The following PTPRD variants were observed in gnomAD, a reference collection of about 807,000 sequenced individuals.
PTPRD encodes protein tyrosine phosphatase receptor type D, also known as receptor-type tyrosine-protein phosphatase delta.
Under a neutral mutation model 214.5 loss-of-function variants are expected in PTPRD, and 34 were observed. The observed-to-expected ratio is 0.16, with a 90% CI of 0.12 to 0.21. PTPRD has a LOEUF of 0.21. Ranked by LOEUF, PTPRD falls within the 10% of genes least tolerant of loss-of-function variation. The probability of loss-of-function intolerance (pLI) is 1.00; values close to 1 mark genes in which losing one functional copy is unlikely to be tolerated. For synonymous variants in PTPRD, 1,128 were observed against 845.7 expected, an observed-to-expected ratio of 1.33 and a Z score of -5.79; for missense variants, 2,545 against 2,398.7, an observed-to-expected ratio of 1.06 and a Z score of -1.27.
At chr9:9,263,725 C>A (rs2099981159) in intron 9 of PTPRD, among the ~76,000 whole-genome samples, 1 of 151,656 alleles carries the variant, frequency 6.6e-6, no homozygotes, top group Non-Finnish European at 1.5e-5. Context: ...ACTGCATATT[C>A]TCACTTATAG....
chr9:9,998,452 C>T (rs1411527028), intron 4 of PTPRD, among the ~76,000 whole-genome samples: 3 of 151,978 alleles, frequency 2.0e-5, no homozygotes, highest in Non-Finnish European at 4.4e-5. Flanking sequence ...TCTCCCCTTC[C>T]CATAGCATGA....
At chr9:8,815,647 G>A (rs2096905151) in intron 11 of PTPRD, among the ~76,000 whole-genome samples, 1 of 152,112 alleles carries the variant, frequency 6.6e-6, no homozygotes, top group Non-Finnish European at 1.5e-5. Context: ...CCATCAGTTT[G>A]AGATTATGGG....
intron 7 of PTPRD, among the ~76,000 whole-genome samples, chr9:9,636,665 A>T (rs907227170): frequency 6.6e-6 from 1 of 152,226 alleles, no homozygotes; most frequent in Admixed American, 6.5e-5. Flanking sequence ...TAGAAGACAG[A>T]TTGTCACCAG....
At chr9:10,209,730 A>G (rs1012359979) in intron 3 of PTPRD, among the ~76,000 whole-genome samples, 1 of 152,184 alleles carries the variant, frequency 6.6e-6, no homozygotes, top group Non-Finnish European at 1.5e-5. Context: ...TAAAAAACAG[A>G]CAAAAGTCCT....
intron 10 of PTPRD, among the ~76,000 whole-genome samples, chr9:9,121,817 T>C (rs556937557): frequency 5.7e-4 from 86 of 152,176 alleles, no homozygotes; most frequent in Non-Finnish European, 2.2e-4. Context: ...CAATAACTTA[T>C]GGAAAAATAA....
chr9:9,573,275 G>T (rs1409092874), intron 8 of PTPRD, among the ~76,000 whole-genome samples: 1 of 151,372 alleles, frequency 6.6e-6, no homozygotes, highest in Middle Eastern at 3.2e-3. Flanking sequence ...AGAAAAAGGA[G>T]CCTCCTTTTT....
At chr9:10,245,232 T>A (rs2091884965) in intron 3 of PTPRD, among the ~76,000 whole-genome samples, 1 of 152,136 alleles carries the variant, frequency 6.6e-6, no homozygotes, top group Non-Finnish European at 1.5e-5. Context: ...TCATATGTTA[T>A]AGAAACCTGT....
intron 5 of PTPRD, among the ~76,000 whole-genome samples, chr9:9,870,724 T>C (rs2065193558): frequency 6.6e-6 from 1 of 152,088 alleles, no homozygotes; most frequent in Admixed American, 6.6e-5. Flanking sequence ...TGAAGTGTAC[T>C]GATGTTCGCA....
intron 7 of PTPRD, among the ~76,000 whole-genome samples, chr9:9,639,474 T>C (rs902182370): frequency 6.6e-6 from 1 of 152,200 alleles, no homozygotes; most frequent in Non-Finnish European, 1.5e-5. Flanking sequence ...ACTCTGGCCA[T>C]TTTCCTATTA....
chr9:8,401,581 G>C (rs1386437448), intron 36 of PTPRD, among the ~76,000 whole-genome samples: 1 of 151,946 alleles, frequency 6.6e-6, no homozygotes, highest in Non-Finnish European at 1.5e-5. Context: ...ACTGTGATTT[G>C]GAAAGATGTC....
chr9:10,351,810 C>T lies in PTPRD; in HGVS notation c.-599-10793G>A, dbSNP rs571829129. Reference sequence around the variant, plus strand: ...TTGAAAACGCAGGAAAATGTAGAGGCCTAGAACATAATAGACACATTCATT... The same window carrying T: ...TTGAAAACGCAGGAAAATGTAGAGGTCTAGAACATAATAGACACATTCATT... On this transcript the variant is annotated intron_variant, in intron 2 of 45. Transcript: ENST00000381196. Among the ~76,000 whole-genome samples, 552 of 151,838 alleles carry T rather than the reference C, an allele frequency of 3.6e-3. 2 individuals are homozygous for T. The highest frequency in any genetic ancestry group is 0.013 in the African/African-American group (527 of 41,432).
intron 2 of PTPRD, among the ~76,000 whole-genome samples, chr9:10,528,105 GC>G: frequency 6.6e-6 from 1 of 152,092 alleles, no homozygotes; most frequent in Non-Finnish European, 1.5e-5. Context: ...TGAAAGCTCA[GC>G]AAGGGCAGGA....
chr9:9,903,556 A>AGTACACAG (rs1230033717), intron 5 of PTPRD, among the ~76,000 whole-genome samples: 1 of 152,170 alleles, frequency 6.6e-6, no homozygotes, highest in Non-Finnish European at 1.5e-5. Flanking sequence ...TTTCCAGCAT[A>AGTACACAG]GTACACAGTG....
chr9:9,712,700 T>G (rs1300913454), intron 7 of PTPRD, among the ~76,000 whole-genome samples: 5 of 152,216 alleles, frequency 3.3e-5, no homozygotes, highest in Non-Finnish European at 7.3e-5. Context: ...AAAAGTTCTC[T>G]TAGTTTATCC....
At position 8,466,741 on chromosome 9, in the gene PTPRD, A is replaced by T. The variant is rs182065380; in HGVS notation, c.3505-1066T>A. 4.6e-5 allele frequency among the ~76,000 whole-genome samples: 7 copies of T among 152,022 alleles called. No individual in the cohort carries two copies. The East Asian group carries it at 1.2e-3, about 25-fold the overall frequency. ...AGAAAAGTCTATGTATTTGAGGACA[A>T]ACTGGAAAAAGGAATGAACCTTGTC... On this transcript the variant is annotated intron_variant, in intron 31 of 45. Transcript: ENST00000381196.
At chr9:9,526,788 A>G (rs944470575) in intron 8 of PTPRD, among the ~76,000 whole-genome samples, 2 of 152,192 alleles carry the variant, frequency 1.3e-5, no homozygotes, top group Non-Finnish European at 2.9e-5. Context: ...TATCAGAATA[A>G]TTAACATGAT....
At chr9:9,083,226 C>G (rs535127295) in intron 10 of PTPRD, among the ~76,000 whole-genome samples, 157 of 151,894 alleles carry the variant, frequency 1.0e-3, no homozygotes, top group African/African-American at 3.6e-3. Flanking sequence ...GGAACAGAAC[C>G]CAGGCCGCAG....
At chr9:8,527,440 A>C in intron 15 of PTPRD, 87 bp from the exon 16 acceptor site, 1 of 1,171,544 alleles carries the variant, frequency 8.5e-7, no homozygotes, top group Admixed American at 1.9e-5. Context: ...TCAGAGTTAA[A>C]GCTTTATATA....
At chr9:9,091,353 A>G in intron 10 of PTPRD, 1 of 725,886 alleles carries the variant, frequency 1.4e-6, no homozygotes, top group Non-Finnish European at 2.4e-6. Flanking sequence ...ATTTTTCTGG[A>G]ACTGTACATT....
Sources: allele counts gnomAD v4.1 joint callset (sites outside exome capture counted in the v4.1 genomes callset), GRCh38; gene constraint gnomAD v4.1.1; transcripts MANE v1.5; gene names NCBI Gene and HGNC (gene_info 2026-07-23, HGNC 2026-07-21).